The following NRXN3 variants were observed in gnomAD, a reference collection of about 807,000 sequenced individuals.
NRXN3 encodes the protein neurexin 3.
NRXN3 carries 32 observed loss-of-function variants against 137.6 expected under a neutral mutation model. The observed-to-expected ratio is 0.23, with a 90% CI of 0.18 to 0.31. NRXN3 has a LOEUF of 0.31. NRXN3 is among the 10% of genes least tolerant of loss of function. The probability of loss-of-function intolerance (pLI) is 1.00; values close to 1 mark genes in which losing one functional copy is unlikely to be tolerated. For missense variants in NRXN3, 1,574 were observed against 2,062.5 expected (o/e 0.76, Z 4.59); for synonymous variants, 798 against 784.5 (o/e 1.02, Z -0.29).
intron 15 of NRXN3, among the ~76,000 whole-genome samples, chr14:79,154,518 C>G (rs2060079812): frequency 6.6e-6 from 1 of 151,816 alleles, no homozygotes; most frequent in Non-Finnish European, 1.5e-5. Context: ...AATTTTGCCT[C>G]AAGCCCCATC....
At position 79,803,092 on chromosome 14, in the gene NRXN3, G is replaced by A. The variant is rs373013306; in HGVS notation, c.4015-2020G>A. Among the ~76,000 whole-genome samples, 7 of 152,164 alleles carry A rather than the reference G, an allele frequency of 4.6e-5. No individual in the cohort carries two copies. The East Asian group carries it at 1.4e-3, about 29-fold the overall frequency. On this transcript the variant is annotated intron_variant, in intron 19 of 20. Coordinates refer to ENST00000335750, the MANE Select transcript of NRXN3 (RefSeq NM_001330195.2). ...TTTTTCTGCTAGCCTTGAGGAGCAA[G>A]GTTTGAATTATACCCCTTTCAGATG...
chr14:79,179,033 G>A (rs1275496863), intron 15 of NRXN3, among the ~76,000 whole-genome samples: 1 of 152,194 alleles, frequency 6.6e-6, no homozygotes, highest in African/African-American at 2.4e-5. Context: ...GGCTGATGAT[G>A]AGAGTGATAG....
At chr14:79,626,335 G>A (rs1205026651) in intron 16 of NRXN3, among the ~76,000 whole-genome samples, 1 of 151,968 alleles carries the variant, frequency 6.6e-6, no homozygotes, top group East Asian at 1.9e-4. Context: ...ATGCCTAGAG[G>A]TATCTCCTGG....
chr14:79,790,553 C>T (rs1367301222), intron 19 of NRXN3, among the ~76,000 whole-genome samples: 1 of 149,250 alleles, frequency 6.7e-6, no homozygotes, highest in Non-Finnish European at 1.5e-5. Context: ...AAGTAATCCT[C>T]CCTCCTTCAT....
In NRXN3 at chr14:78,978,421, G is replaced by A. The variant is rs1446423162; in HGVS notation, c.3143-9601G>A. On this transcript the variant is annotated intron_variant, in intron 14 of 20. Coordinates refer to ENST00000335750, the MANE Select transcript of NRXN3 (RefSeq NM_001330195.2). ...GTGGATTCACTTGACATTTTTAAGT[G>A]ATCATTGCTTTCTTATTTTAAAGCT... 3.9e-5 allele frequency among the ~76,000 whole-genome samples: 6 copies of A among 152,146 alleles called. No individual in the cohort carries two copies. The East Asian group carries it at 1.2e-3, about 29-fold the overall frequency.
intron 19 of NRXN3, among the ~76,000 whole-genome samples, chr14:79,713,257 C>T (rs1447186732): frequency 6.8e-6 from 1 of 146,940 alleles, no homozygotes; most frequent in Non-Finnish European, 1.5e-5. Context: ...GTCTCTTGAA[C>T]CACATGCTGC....
chr14:79,763,490 A>ATGC (rs58587510), intron 19 of NRXN3, among the ~76,000 whole-genome samples: 1 of 34,106 alleles, frequency 2.9e-5, no homozygotes, highest in Non-Finnish European at 6.6e-5. Flanking sequence ...AATGCCATTC[A>ATGC]TGACAGTGAG....
At chr14:79,714,517 T>C (rs2098816997) in intron 19 of NRXN3, among the ~76,000 whole-genome samples, 1 of 152,148 alleles carries the variant, frequency 6.6e-6, no homozygotes, top group African/African-American at 2.4e-5. Context: ...ATAGAAAACA[T>C]GCATAATTTA....
chr14:78,523,171 C>T (rs777025977), intron 4 of NRXN3, among the ~76,000 whole-genome samples: 3 of 152,270 alleles, frequency 2.0e-5, no homozygotes, highest in African/African-American at 7.2e-5. Context: ...CAGATTATCT[C>T]TGGAGTGCTC....
chr14:78,172,174 C>T (rs986422429), intron 1 of NRXN3, among the ~76,000 whole-genome samples: 3 of 152,038 alleles, frequency 2.0e-5, no homozygotes, highest in Non-Finnish European at 2.9e-5. Context: ...GTCAGATGAC[C>T]GTTTGCCTTT....
chr14:78,187,050 C>T (rs947871129), intron 1 of NRXN3, among the ~76,000 whole-genome samples: 4 of 152,260 alleles, frequency 2.6e-5, no homozygotes, highest in Middle Eastern at 3.4e-3. Context: ...GTGAGCATGA[C>T]GCTCGGAGTT....
intron 1 of NRXN3, among the ~76,000 whole-genome samples, chr14:78,228,303 C>T (rs1425419917): frequency 6.6e-6 from 1 of 151,868 alleles, no homozygotes; most frequent in African/African-American, 2.4e-5. Context: ...ATTACAGGCG[C>T]CTGCCACTAC....
chr14:78,949,127 A>G (rs1188156934), intron 10 of NRXN3, among the ~76,000 whole-genome samples: 1 of 152,154 alleles, frequency 6.6e-6, no homozygotes, highest in Admixed American at 6.5e-5. Flanking sequence ...CAGGAAGAAT[A>G]TATATTAAAA....
chr14:78,266,898 T>C (rs1203162421), intron 2 of NRXN3, among the ~76,000 whole-genome samples: 2 of 152,282 alleles, frequency 1.3e-5, no homozygotes, highest in African/African-American at 2.4e-5. Context: ...AGTCTTCTAA[T>C]AGGGCTACTG....
chr14:79,236,586 A>AT (rs1307168183), intron 15 of NRXN3, among the ~76,000 whole-genome samples: 2 of 151,998 alleles, frequency 1.3e-5, no homozygotes. Context: ...AAAAATATAT[A>AT]TTTTTTGTAT....
intron 6 of NRXN3, chr14:78,695,218 AG>A (rs1322803372): frequency 1.3e-5 from 2 of 151,970 alleles, no homozygotes; most frequent in African/African-American, 4.8e-5. Context: ...GCTTGCATTT[AG>A]GGTCCACCTG....
intron 16 of NRXN3, among the ~76,000 whole-genome samples, chr14:79,526,535 A>G (rs923942526): frequency 2.3e-4 from 35 of 152,162 alleles, no homozygotes; most frequent in African/African-American, 8.2e-4. Context: ...GCTCCTAATC[A>G]TGTATTCATT....
chr14:79,613,948 A>G (rs1424412860), intron 16 of NRXN3, among the ~76,000 whole-genome samples: 1 of 152,222 alleles, frequency 6.6e-6, no homozygotes, highest in Non-Finnish European at 1.5e-5. Context: ...TTTTCTTCCA[A>G]TACTGGCATT....
chr14:78,987,815 T>C (rs544996969), intron 14 of NRXN3, among the ~76,000 whole-genome samples: 1 of 152,286 alleles, frequency 6.6e-6, no homozygotes, highest in South Asian at 2.1e-4. Context: ...TAACTGTTGA[T>C]AGTTTGTGGC....
Sources: gnomAD v4.1 joint callset for allele counts (sites outside exome capture counted in the v4.1 genomes callset) on GRCh38, gnomAD v4.1.1 for gene constraint, MANE v1.5 for transcripts, NCBI Gene and HGNC (gene_info 2026-07-23, HGNC 2026-07-21) for gene names.